The following RNF19A variants were observed in gnomAD, a reference collection of about 807,000 sequenced individuals.
The protein encoded by RNF19A is E3 ubiquitin-protein ligase RNF19A.
Under a neutral mutation model 75.7 loss-of-function variants are expected in RNF19A, and 32 were observed. The observed-to-expected ratio is 0.42, with a 90% CI of 0.32 to 0.57. The LOEUF is 0.57. RNF19A is among the 20% of genes least tolerant of loss of function. The pLI, the probability that RNF19A is intolerant of heterozygous loss-of-function variation, is 0.10. For missense variants in RNF19A, 782 were observed against 1,036.3 expected (o/e 0.75, Z 3.37); for synonymous variants, 335 against 345.2 (o/e 0.97, Z 0.33).
In RNF19A at chr8:100,264,605, A is replaced by T; in HGVS notation, c.1306+66T>A. 1 of 1,056,054 alleles carries T rather than the reference A, an allele frequency of 9.5e-7. No individual in the cohort carries two copies. Among genetic ancestry groups the T allele is most frequent in the Non-Finnish European group, 1.4e-6 (1 of 701,060 alleles). The allele number at this position is 1,056,054 out of a possible 1,614,324, so 65.4% of individuals were successfully genotyped here. ...CTCAAATTAAAAAACAATTAAAAAA[A>T]ATCCTTCCACAAAACTTTAACTCCA... On this transcript the variant is annotated intron_variant, in intron 6 of 9. Transcript: ENST00000341084. This position sits in a 1 kb window ranked among gnomAD's most constrained non-coding sequence, Gnocchi z 4.7.
chr8:100,308,907 A>C (rs981307912), intron 1 of RNF19A, among the ~76,000 whole-genome samples: 3 of 152,246 alleles, frequency 2.0e-5, no homozygotes, highest in Non-Finnish European at 4.4e-5. Flanking sequence ...AAGCAGAGTA[A>C]AGCATCGTTC....
rs967191758 is a variant in RNF19A at position 100,329,005 on chromosome 8, T to A, written c.-243+7103A>T. Among the ~76,000 whole-genome samples, 2 of 152,170 alleles carry A rather than the reference T, an allele frequency of 1.3e-5. No individual in the cohort carries two copies. Among genetic ancestry groups the A allele is most frequent in the African/African-American group, 2.4e-5 (1 of 41,440 alleles). On this transcript the variant is annotated intron_variant, in intron 1 of 3. Transcript: ENST00000519527. The surrounding 1 kb of genome is among the most constrained non-coding windows in gnomAD (Gnocchi z 4.3). Reference sequence around the variant, plus strand: ...TCTTGCGCAGGTTTATCAGTTTGGCTACATGGTGATGACTCTTCTCCAAAG... The same window carrying A: ...TCTTGCGCAGGTTTATCAGTTTGGCAACATGGTGATGACTCTTCTCCAAAG...
chr8:100,312,775 T>C (rs568978053), upstream of RNF19A, among the ~76,000 whole-genome samples: 24 of 152,114 alleles, frequency 1.6e-4, 1 homozygote, highest in African/African-American at 5.8e-4. Context: ...AATACAAAAA[T>C]TGGCTGGGCA....
intron 1 of RNF19A, among the ~76,000 whole-genome samples, chr8:100,315,541 C>A (rs1822360446): frequency 6.6e-6 from 1 of 152,234 alleles, no homozygotes; most frequent in Non-Finnish European, 1.5e-5. Context: ...GAATGTGCTA[C>A]TTCTTGACTC....
At position 100,332,613 on chromosome 8, in the gene RNF19A, C is replaced by T. The variant is rs776879331; in HGVS notation, c.-243+3495G>A. The stretch of plus-strand genomic sequence containing the variant: ...AAATCACCTTGATAAGACAAATGGT[C>T]TTATCAGCAATGTATGCATTGCCTA... On this transcript the variant is annotated intron_variant, in intron 1 of 3. Transcript: ENST00000519527. The surrounding 1 kb of genome is among the most constrained non-coding windows in gnomAD (Gnocchi z 4.8). 1.3e-5 allele frequency among the ~76,000 whole-genome samples: 2 copies of T among 152,212 alleles called. No individual in the cohort carries two copies. The highest frequency in any genetic ancestry group is 2.9e-5 in the Non-Finnish European group (2 of 68,026).
chr8:100,275,282 T>C lies in RNF19A; in HGVS notation c.675-121A>G. 1.3e-6 allele frequency: 1 copy of C among 746,406 alleles called. No individual in the cohort carries two copies. The highest frequency in any genetic ancestry group is 1.8e-5 in the South Asian group (1 of 55,042). 46.2% of individuals were successfully genotyped at this position (746,406 alleles called of 1,614,324 possible). A position where few individuals can be genotyped will look rare whatever the true frequency, so the allele number is the denominator to read the frequency against. ...TTTCTATTTATACATTAGCAAACAG[T>C]CATAAGCACAATCTCACCAATATAA... On this transcript the variant is annotated intron_variant, in intron 2 of 9. Transcript: ENST00000341084. The surrounding 1 kb of genome is among the most constrained non-coding windows in gnomAD (Gnocchi z 4.3).
rs762686296 is a variant in RNF19A, at chr8:100,275,187, A to C, written c.675-26T>G. 3.8e-6 allele frequency: 6 copies of C among 1,591,894 alleles called. No homozygotes were observed. In the South Asian group the frequency reaches 5.5e-5, roughly 15 times the overall value. ...CTTGAAAGAACAAGAAAAATGATTT[A>C]AAATGTGACATAAAACAAGAGATAC... On this transcript the variant is annotated intron_variant, in intron 2 of 9. Coordinates refer to ENST00000341084, the MANE Select transcript of RNF19A (RefSeq NM_183419.4). The surrounding 1 kb of genome is among the most constrained non-coding windows in gnomAD (Gnocchi z 4.3).
intron 1 of RNF19A, among the ~76,000 whole-genome samples, chr8:100,327,238 AT>A (rs1822545823): frequency 7.3e-6 from 1 of 136,254 alleles, no homozygotes; most frequent in Non-Finnish European, 1.5e-5. Flanking sequence ...AAATTCAGCA[AT>A]TACTTCTTTT....
upstream of RNF19A, among the ~76,000 whole-genome samples, chr8:100,311,858 C>T (rs548184344): frequency 8.9e-4 from 135 of 152,100 alleles, no homozygotes; most frequent in African/African-American, 2.9e-3. Context: ...CTCTGTACAA[C>T]GGTAATATTT....
At position 100,257,069 on chromosome 8, in the gene RNF19A, C is replaced by T. The variant is rs765510663; in HGVS notation, c.*1487G>A. 8 of 152,416 alleles carry T rather than the reference C, an allele frequency of 5.2e-5. No homozygotes were observed. The highest frequency in any genetic ancestry group is 1.2e-4 in the Non-Finnish European group (8 of 67,998). The allele number at this position is 152,416 out of a possible 1,614,324, so 9.4% of individuals were successfully genotyped here. A position where few individuals can be genotyped will look rare whatever the true frequency, so the allele number is the denominator to read the frequency against. On this transcript the variant is annotated 3_prime_UTR_variant, in exon 10 of 10. Transcript: ENST00000341084. ...GTGTACACACCAGAAGGCAGCAGTACATTAGTATTTACATTTATTTAACGT... is the reference window on the plus strand; with the variant it reads ...GTGTACACACCAGAAGGCAGCAGTATATTAGTATTTACATTTATTTAACGT...
chr8:100,311,294 T>C (rs1309489181), upstream of RNF19A, among the ~76,000 whole-genome samples: 1 of 152,228 alleles, frequency 6.6e-6, no homozygotes, highest in Non-Finnish European at 1.5e-5. Flanking sequence ...TTATGGGAAG[T>C]TTTAAAGCTG....
intron 1 of RNF19A, among the ~76,000 whole-genome samples, chr8:100,291,378 A>G (rs1821286825): frequency 6.6e-6 from 1 of 152,148 alleles, no homozygotes. Flanking sequence ...AGTTGCTATT[A>G]CTCTGTGATC....
intron 2 of RNF19A, among the ~76,000 whole-genome samples, chr8:100,278,797 T>TA (rs892388963): frequency 2.6e-5 from 4 of 151,974 alleles, no homozygotes; most frequent in South Asian, 2.1e-4. Flanking sequence ...AATTAAGTTT[T>TA]AAAAAAAAGT....
intron 5 of RNF19A, among the ~76,000 whole-genome samples, chr8:100,267,915 T>C (rs1464778874): frequency 1.3e-5 from 2 of 152,164 alleles, no homozygotes; most frequent in East Asian, 3.9e-4. Context: ...TGACCTCAGA[T>C]GATCCACCAG....
chr8:100,264,689 C>A lies in RNF19A; in HGVS notation c.1288G>T (p.Val430Leu), dbSNP rs1378369844. The A allele has an allele frequency of 6.2e-7, 1 of 1,611,602 alleles. No homozygotes were observed. The highest frequency in any genetic ancestry group is 8.5e-7 in the Non-Finnish European group (1 of 1,178,046). The change falls in exon 6 of 10, where the codon GTA (valine) becomes TTA (leucine). Residue 430 changes from valine to leucine, a missense_variant. Val to Leu is a conservative substitution (Grantham distance 32). Around this residue, in one of 7 missense-constraint regions of RNF19A, gnomAD observed 442 missense variants for 541.6 expected, o/e 0.82. Transcript: ENST00000341084. This position sits in a 1 kb window ranked among gnomAD's most constrained non-coding sequence, Gnocchi z 4.7. Reference protein sequence around the residue: ...VTLSVIVSPVVAAVTVGIGVP... With the variant: ...VTLSVIVSPVLAAVTVGIGVP... Reference sequence around the variant, plus strand: ...TTCTTACCTACAGTCACTGCAGCTACTACTGGAGACACGATTACAGACAAC... The same window carrying A: ...TTCTTACCTACAGTCACTGCAGCTAATACTGGAGACACGATTACAGACAAC...
chr8:100,305,494 T>C (rs1822028800), intron 1 of RNF19A, among the ~76,000 whole-genome samples: 2 of 152,258 alleles, frequency 1.3e-5, no homozygotes, highest in South Asian at 2.1e-4. Flanking sequence ...TTCAGATCTA[T>C]TGGCTTAAAT....
chr8:100,334,233 T>C (rs377436690), intron 1 of RNF19A, among the ~76,000 whole-genome samples: 2 of 152,268 alleles, frequency 1.3e-5, no homozygotes, highest in East Asian at 3.8e-4. Flanking sequence ...TTCACGGTTC[T>C]GCCACCATTT....
chr8:100,282,975 T>G (rs186002884), intron 2 of RNF19A, among the ~76,000 whole-genome samples: 11 of 152,330 alleles, frequency 7.2e-5, no homozygotes, highest in Admixed American at 2.6e-4. Flanking sequence ...CAAATGTATA[T>G]GAGTTATGTT....
chr8:100,309,183 G>C (rs956097279), intron 1 of RNF19A: 3 of 382,126 alleles, frequency 7.9e-6, no homozygotes, highest in Non-Finnish European at 3.6e-6. Flanking sequence ...GGCTTAGCAC[G>C]GGGAGACAAT....
Sources: allele counts gnomAD v4.1 joint callset (sites outside exome capture counted in the v4.1 genomes callset), GRCh38; gene constraint gnomAD v4.1.1; regional missense constraint gnomAD v4.1.1; non-coding constraint Gnocchi (gnomAD v3.1); transcripts MANE v1.5; gene names NCBI Gene and HGNC (gene_info 2026-07-23, HGNC 2026-07-21).